Variants in WWP1 observed in about 807,000 individuals in gnomAD.
WWP1 encodes the protein WW domain containing E3 ubiquitin protein ligase 1, also known as NEDD4-like E3 ubiquitin-protein ligase WWP1.
Under a neutral mutation model 130.6 loss-of-function variants are expected in WWP1, and 49 were observed. That is an observed-to-expected ratio of 0.38 (90% CI 0.30 to 0.48). The LOEUF is 0.48. Among genes scored for constraint, WWP1 ranks in the 20% least tolerant of loss-of-function variants. WWP1 has a pLI of 0.99. For missense variants in WWP1, 809 were observed against 1,100.6 expected, an observed-to-expected ratio of 0.74 and a Z score of 3.75; for synonymous variants, 332 against 367.8, an observed-to-expected ratio of 0.90 and a Z score of 1.11.
chr8:86,354,706 T>C (rs994154389), intron 1 of WWP1, among the ~76,000 whole-genome samples: 2 of 152,174 alleles, frequency 1.3e-5, no homozygotes, highest in Non-Finnish European at 2.9e-5. Flanking sequence ...TTAAATGTAA[T>C]TTCTAATCCT....
In WWP1 at chr8:86,445,976, C is replaced by CTTTTTTTTTTTT. The variant is rs56731329; in HGVS notation, c.1999-2161_1999-2150dup. 5.9e-5 allele frequency among the ~76,000 whole-genome samples: 5 copies of CTTTTTTTTTTTT among 84,962 alleles called. 1 individual carries two copies. Among genetic ancestry groups the CTTTTTTTTTTTT allele is most frequent in the East Asian group, 7.4e-4 (2 of 2,696 alleles). The allele number at this position is 84,962 out of a possible 152,430, so 55.7% of individuals were successfully genotyped here. A position where few individuals can be genotyped will look rare whatever the true frequency, so the allele number is the denominator to read the frequency against. ...CTTTTCTTTTCTTTTCTTTTCTTTT[C>CTTTTTTTTTTTT]TTTTTTTTTTTTTTTTTTTTTTGAG... is the stretch of plus-strand genomic sequence containing the variant. On this transcript the variant is annotated intron_variant, in intron 18 of 24. Coordinates refer to ENST00000517970, the MANE Select transcript of WWP1 (RefSeq NM_007013.4).
At chr8:86,414,595 GTTTTC>G (rs1345508404) in intron 9 of WWP1, among the ~76,000 whole-genome samples, 1 of 152,110 alleles carries the variant, frequency 6.6e-6, no homozygotes, top group Non-Finnish European at 1.5e-5. Flanking sequence ...TAGTTCCTGT[GTTTTC>G]TTTTGTTTGG....
chr8:86,419,575 T>G (rs1051621050), intron 9 of WWP1, among the ~76,000 whole-genome samples: 1 of 152,172 alleles, frequency 6.6e-6, no homozygotes, highest in African/African-American at 2.4e-5. Context: ...CTGATAAAGG[T>G]AAAGAAATTT....
At chr8:86,376,325 T>C (rs983211829) in intron 3 of WWP1, among the ~76,000 whole-genome samples, 2 of 152,206 alleles carry the variant, frequency 1.3e-5, no homozygotes, top group South Asian at 4.1e-4. Context: ...TCCCAGCACT[T>C]TGGGAGGCCG....
At chr8:86,367,105 A>G (rs1382426995) in intron 1 of WWP1, among the ~76,000 whole-genome samples, 1 of 152,140 alleles carries the variant, frequency 6.6e-6, no homozygotes, top group Non-Finnish European at 1.5e-5. Context: ...TTCCACATTT[A>G]TTGAACTAAA....
intron 5 of WWP1, among the ~76,000 whole-genome samples, chr8:86,393,435 G>T (rs1043247965): frequency 6.6e-6 from 1 of 151,944 alleles, no homozygotes; most frequent in Non-Finnish European, 1.5e-5. Context: ...CTTAGTAGAG[G>T]CAGGGTTTCT....
At chr8:86,401,300 C>T (rs1423096431) in intron 7 of WWP1, among the ~76,000 whole-genome samples, 3 of 151,990 alleles carry the variant, frequency 2.0e-5, no homozygotes, top group Admixed American at 6.6e-5. Flanking sequence ...ATGGCTCACA[C>T]CTATAATCCC....
chr8:86,346,871 T>A (rs1822615348), intron 1 of WWP1, among the ~76,000 whole-genome samples: 1 of 152,232 alleles, frequency 6.6e-6, no homozygotes, highest in Admixed American at 6.5e-5. Context: ...TTGCTGGCAT[T>A]AAGAATTGTA....
intron 21 of WWP1, among the ~76,000 whole-genome samples, chr8:86,454,148 C>A (rs1266148633): frequency 6.6e-6 from 1 of 152,134 alleles, no homozygotes; most frequent in Non-Finnish European, 1.5e-5. Context: ...CAAGTCCTTA[C>A]AATTACAGTA....
At chr8:86,353,672 G>A (rs1409265929) in intron 1 of WWP1, among the ~76,000 whole-genome samples, 1 of 151,962 alleles carries the variant, frequency 6.6e-6, no homozygotes, top group Admixed American at 6.6e-5. Flanking sequence ...TGTAGAGATG[G>A]GGGTTTCACC....
At chr8:86,434,577 AT>A (rs1810181685) in intron 14 of WWP1, among the ~76,000 whole-genome samples, 1 of 152,186 alleles carries the variant, frequency 6.6e-6, no homozygotes, top group African/African-American at 2.4e-5. Context: ...CCTTTTAACA[AT>A]GCCTTTTTTA....
At chr8:86,352,326 A>G (rs184012962) in intron 1 of WWP1, among the ~76,000 whole-genome samples, 2 of 152,090 alleles carry the variant, frequency 1.3e-5, no homozygotes, top group East Asian at 3.9e-4. Context: ...CCAGTTTCAA[A>G]TGATTCTTGT....
chr8:86,445,576 T>A (rs1285410507), intron 18 of WWP1, among the ~76,000 whole-genome samples: 1 of 152,206 alleles, frequency 6.6e-6, no homozygotes, highest in Non-Finnish European at 1.5e-5. Flanking sequence ...CACCTGGATT[T>A]ATTCTAGGTC....
intron 1 of WWP1, among the ~76,000 whole-genome samples, chr8:86,352,653 G>T (rs1374928592): frequency 6.6e-6 from 1 of 152,150 alleles, no homozygotes; most frequent in African/African-American, 2.4e-5. Context: ...AAAGTTATGA[G>T]CCACCATGCC....
chr8:86,397,746 G>A (rs1418785506), intron 5 of WWP1, among the ~76,000 whole-genome samples: 1 of 152,116 alleles, frequency 6.6e-6, no homozygotes, highest in Non-Finnish European at 1.5e-5. Flanking sequence ...TCTAATAATG[G>A]GAAGGAAGTA....
At chr8:86,431,228 A>G (rs929694200) in intron 12 of WWP1, among the ~76,000 whole-genome samples, 178 bp from the exon 13 acceptor site, 1 of 141,990 alleles carries the variant, frequency 7.0e-6, no homozygotes, top group Admixed American at 7.3e-5. Flanking sequence ...AATATATGTT[A>G]TATTCTCTAT....
intron 10 of WWP1, 139 bp downstream of exon 10, chr8:86,425,457 T>A (rs576444714): frequency 1.8e-6 from 1 of 570,270 alleles, no homozygotes; most frequent in East Asian, 3.2e-5. Context: ...AAATAATGAA[T>A]GTTCAGTCAA....
intron 8 of WWP1, 59 bp downstream of exon 8, chr8:86,402,262 C>A: frequency 6.5e-7 from 1 of 1,547,002 alleles, no homozygotes; most frequent in Admixed American, 1.9e-5. Context: ...GTTTATGTAT[C>A]CATCCATGCC....
rs145987180 is a variant in WWP1, at chr8:86,365,975, T to C, written c.-114-2964T>C. 1.1e-4 allele frequency among the ~76,000 whole-genome samples: 17 copies of C among 152,348 alleles called. No individual in the cohort carries two copies. In the East Asian group the frequency reaches 3.1e-3, roughly 28 times the overall value. ...AAAAGTGATATTAACGTGGCACTGG[T>C]AAAATTGGAAACAATTGTACTTAGC... On this transcript the variant is annotated intron_variant, in intron 1 of 24. Transcript: ENST00000517970.
Sources: gnomAD v4.1 joint callset for allele counts (sites outside exome capture counted in the v4.1 genomes callset) on GRCh38, gnomAD v4.1.1 for gene constraint, MANE v1.5 for transcripts, NCBI Gene and HGNC (gene_info 2026-07-23, HGNC 2026-07-21) for gene names.